The following FOXO1 variants were observed in gnomAD, a reference collection of about 807,000 sequenced individuals.
The protein encoded by FOXO1 is forkhead box protein O1.
In FOXO1, 6 loss-of-function variants were observed where a neutral mutation model predicts 44.1. The ratio of observed to expected loss-of-function variants is 0.14; its 90% confidence interval spans 0.07 to 0.27. The LOEUF is 0.27. Ranked by LOEUF, FOXO1 falls within the 10% of genes least tolerant of loss-of-function variation. The probability of loss-of-function intolerance (pLI) is 1.00; values close to 1 mark genes in which losing one functional copy is unlikely to be tolerated. For synonymous variants in FOXO1, 380 were observed against 362.7 expected (o/e 1.05, Z -0.54); for missense variants, 737 against 888.8 (o/e 0.83, Z 2.17).
chr13:40,635,401 C>T (rs1025148449), intron 1 of FOXO1, among the ~76,000 whole-genome samples: 3 of 152,102 alleles, frequency 2.0e-5, no homozygotes, highest in Non-Finnish European at 4.4e-5. Context: ...AACACTTTAA[C>T]CCACGAAGGT....
chr13:40,570,478 G>C (rs1006533197), intron 1 of FOXO1, among the ~76,000 whole-genome samples: 1 of 152,122 alleles, frequency 6.6e-6, no homozygotes, highest in Non-Finnish European at 1.5e-5. Flanking sequence ...AAGACCGGGG[G>C]CAGAAAGCTT....
In FOXO1 at chr13:40,604,141, G is replaced by C. The variant is rs1875912458; in HGVS notation, c.631-43281C>G. On this transcript the variant is annotated intron_variant, in intron 1 of 2. Coordinates refer to ENST00000379561, the MANE Select transcript of FOXO1 (RefSeq NM_002015.4). ...GCTTTTTAACTGTGTGATTTATATT[G>C]AATGTGACAGAATTAGCCTAAATTT... Among the ~76,000 whole-genome samples the C allele has an allele frequency of 2.0e-5, 3 of 151,134 alleles. No homozygotes were observed. The South Asian group carries it at 6.3e-4, about 32-fold the overall frequency.
intron 1 of FOXO1, among the ~76,000 whole-genome samples, chr13:40,663,096 G>A (rs1054159111): frequency 2.0e-5 from 3 of 152,210 alleles, no homozygotes; most frequent in African/African-American, 4.8e-5. Flanking sequence ...TTACTCATTT[G>A]AGAAAGGCAG....
intron 1 of FOXO1, among the ~76,000 whole-genome samples, chr13:40,665,216 G>A (rs1878186976): frequency 6.6e-6 from 1 of 152,008 alleles, no homozygotes; most frequent in Non-Finnish European, 1.5e-5. Flanking sequence ...AGGTCCGGGA[G>A]GGAAGGGGCA....
chr13:40,651,347 C>G (rs1475027884), intron 1 of FOXO1, among the ~76,000 whole-genome samples: 1 of 151,938 alleles, frequency 6.6e-6, no homozygotes, highest in Admixed American at 6.6e-5. Context: ...AAAGAAATAC[C>G]CAGAATTACT....
chr13:40,566,734 T>C (rs1874284253), intron 1 of FOXO1, among the ~76,000 whole-genome samples: 1 of 152,226 alleles, frequency 6.6e-6, no homozygotes, highest in Non-Finnish European at 1.5e-5. Flanking sequence ...ATGTATTATA[T>C]AATTACACAA....
Position 40,650,625 on chromosome 13 carries a change from G to A in FOXO1, c.630+14958C>T, listed in dbSNP as rs374792487. ...CACTCCTCAAGCACAGGGACAGGCCGATTCCAAGACCAACCTAAACACTCA... is the reference window on the plus strand; with the variant it reads ...CACTCCTCAAGCACAGGGACAGGCCAATTCCAAGACCAACCTAAACACTCA... On this transcript the variant is annotated intron_variant, in intron 1 of 2. Transcript: ENST00000379561. Among the ~76,000 whole-genome samples the A allele has an allele frequency of 5.3e-5, 8 of 152,300 alleles. No homozygotes were observed. The South Asian group carries it at 8.3e-4, about 16-fold the overall frequency.
At chr13:40,623,419 A>G (rs1359068410) in intron 1 of FOXO1, among the ~76,000 whole-genome samples, 1 of 152,262 alleles carries the variant, frequency 6.6e-6, no homozygotes, top group East Asian at 1.9e-4. Context: ...GCCAACAACA[A>G]GAAATAAAAT....
intron 1 of FOXO1, among the ~76,000 whole-genome samples, chr13:40,651,468 T>G (rs545312840): frequency 6.6e-6 from 1 of 152,256 alleles, no homozygotes; most frequent in East Asian, 1.9e-4. Context: ...CATGCCTAAT[T>G]ACAGGAATCT....
chr13:40,568,828 T>C (rs901075253), intron 1 of FOXO1, among the ~76,000 whole-genome samples: 4 of 151,036 alleles, frequency 2.6e-5, no homozygotes, highest in African/African-American at 4.8e-5. Flanking sequence ...GGCGGCCTGG[T>C]AAAACCGGAA....
chr13:40,559,578 T>C lies in FOXO1; in HGVS notation c.1913A>G (p.Asn638Ser), dbSNP rs1245447206. 6.2e-7 allele frequency: 1 copy of C among 1,613,322 alleles called. No homozygotes were observed. Among genetic ancestry groups the C allele is most frequent in the Admixed American group, 1.7e-5 (1 of 59,978 alleles). Residue 638 changes from asparagine (N) to serine (S), a missense_variant, in exon 2 of 3, where the codon AAC becomes AGC. This residue lies in a region of FOXO1 where 45 missense variants were observed against 78.3 expected (regional missense o/e 0.57). Transcript: ENST00000379561. Reference protein sequence around the residue: ...LDFNFDNVLPNQSFPHSVKTT... With the variant: ...LDFNFDNVLPSQSFPHSVKTT... ...CTTGACACTGTGTGGGAAGCTTTGG[T>C]TGGGCAACACATTGTCAAAGTTAAA...
intron 1 of FOXO1, among the ~76,000 whole-genome samples, chr13:40,572,719 G>C (rs977991519): frequency 6.6e-6 from 1 of 152,212 alleles, no homozygotes; most frequent in African/African-American, 2.4e-5. Context: ...TTATGCTAAA[G>C]AGAAACTCCC....
At chr13:40,561,671 T>C (rs1330749965) in intron 1 of FOXO1, among the ~76,000 whole-genome samples, 3 of 151,224 alleles carry the variant, frequency 2.0e-5, no homozygotes, top group Non-Finnish European at 4.4e-5. Flanking sequence ...ATAGAATATA[T>C]AGAATATAGA....
In FOXO1 at chr13:40,584,857, C is replaced by A. The variant is rs908559089; in HGVS notation, c.631-23997G>T. Among the ~76,000 whole-genome samples, 2 of 152,156 alleles carry A rather than the reference C, an allele frequency of 1.3e-5. 1 individual carries two copies. The highest frequency in any genetic ancestry group is 4.2e-4 in the South Asian group (2 of 4,818). On this transcript the variant is annotated intron_variant, in intron 1 of 2. Coordinates refer to ENST00000379561, the MANE Select transcript of FOXO1 (RefSeq NM_002015.4). ...ATGTTATGATTCACTAGGTATGAAGCGCAGCTTGGCAATCTATTAAAGCAG... is the reference window on the plus strand; with the variant it reads ...ATGTTATGATTCACTAGGTATGAAGAGCAGCTTGGCAATCTATTAAAGCAG...
intron 1 of FOXO1, among the ~76,000 whole-genome samples, chr13:40,656,838 T>C (rs1209818906): frequency 6.6e-6 from 1 of 152,130 alleles, no homozygotes; most frequent in East Asian, 1.9e-4. Flanking sequence ...GAGAAATTTT[T>C]TTTTTTTTTT....
At chr13:40,649,921 G>A (rs964063321) in intron 1 of FOXO1, among the ~76,000 whole-genome samples, 4 of 152,166 alleles carry the variant, frequency 2.6e-5, no homozygotes, top group African/African-American at 9.7e-5. Flanking sequence ...TACAGGAAAG[G>A]GGTCCCAATC....
At chr13:40,608,251 C>T (rs1876094945) in intron 1 of FOXO1, among the ~76,000 whole-genome samples, 1 of 152,168 alleles carries the variant, frequency 6.6e-6, no homozygotes, top group South Asian at 2.1e-4. Flanking sequence ...CACTTTTCTC[C>T]TTCTTGATTC....
At position 40,666,120 on chromosome 13, in the gene FOXO1, C is replaced by T; in HGVS notation, c.93G>A (p.Glu31=). The T allele has an allele frequency of 6.9e-7, 1 of 1,444,604 alleles. No individual in the cohort carries two copies. Among genetic ancestry groups the T allele is most frequent in the Non-Finnish European group, 9.1e-7 (1 of 1,101,658 alleles). The allele number at this position is 1,444,604 out of a possible 1,614,324, so 89.5% of individuals were successfully genotyped here. A position where few individuals can be genotyped will look rare whatever the true frequency, so the allele number is the denominator to read the frequency against. Residue 31 remains glutamate, a synonymous_variant, in exon 1 of 3, where the codon GAG becomes GAA. Transcript: ENST00000379561. ...AGGTGGCCGAGTTGGACTGGCTAAA[C>T]TCCGGCCTGGGCAGCGGCCAGGTGC... ...RSCTWPLPRP[E]FSQSNSATSS...
At chr13:40,620,474 GCAGATTATGA>G (rs1876573007) in intron 1 of FOXO1, 1 of 591,612 alleles carries the variant, frequency 1.7e-6, no homozygotes, top group Non-Finnish European at 3.1e-6. Context: ...CAATCTTAAG[GCAGATTATGA>G]CTGGGTCTGG....
Sources: gnomAD v4.1 joint callset for allele counts (sites outside exome capture counted in the v4.1 genomes callset) on GRCh38, gnomAD v4.1.1 for gene constraint, gnomAD v4.1.1 regional missense constraint, MANE v1.5 for transcripts, NCBI Gene and HGNC (gene_info 2026-07-23, HGNC 2026-07-21) for gene names.